Variants in PITPNM3 observed in about 807,000 individuals in gnomAD.
The protein encoded by PITPNM3 is PITPNM family member 3, also known as membrane-associated phosphatidylinositol transfer protein 3.
A neutral mutation model predicts 102.0 loss-of-function variants in PITPNM3; 26 were observed. The observed-to-expected ratio is 0.25, with a 90% CI of 0.19 to 0.35. The LOEUF (loss-of-function observed/expected upper bound fraction) is 0.35. Ranked by LOEUF, PITPNM3 falls within the 10% of genes least tolerant of loss-of-function variation. The pLI, the probability that PITPNM3 is intolerant of heterozygous loss-of-function variation, is 1.00. For synonymous variants in PITPNM3, 578 were observed against 558.6 expected (o/e 1.03, Z -0.49); for missense variants, 1,083 against 1,346.1 (o/e 0.80, Z 3.06).
chr17:6,467,438 C>T (rs938961798), intron 14 of PITPNM3, among the ~76,000 whole-genome samples: 1 of 152,182 alleles, frequency 6.6e-6, no homozygotes, highest in African/African-American at 2.4e-5. Context: ...AATGGTTGCA[C>T]ACATCTGTGA....
rs560849297 is a variant in PITPNM3, at chr17:6,455,608, C to G, written c.2655G>C (p.Ala885=). 1.9e-6 allele frequency: 3 copies of G among 1,576,190 alleles called. No homozygotes were observed. The highest frequency in any genetic ancestry group is 2.3e-5 in the East Asian group (1 of 43,718). The change falls in exon 20 of 20, where the codon GCG becomes GCC. Residue 885 remains alanine (A), a synonymous_variant. Transcript: ENST00000262483. ...LSEGYAAHLA[A]LEASHRSRPK... ...GGCGTGAGCGGTGGCTGGCCTCCAG[C>G]GCGGCCAGGTGTGCGGCGTAGCCCT...
Position 6,461,415 on chromosome 17 carries a change from C to A in PITPNM3, c.2448G>T (p.Pro816=). 6.2e-7 allele frequency: 1 copy of A among 1,614,136 alleles called. No individual in the cohort carries two copies. ...GCAGGAAGATGGCCTTCTGCCGCAG[C>A]GGGTCATGCACCAGCCCATCGGAGA... ...IFFSDGLVHD[P]LRQKAIFLRN... The change falls in exon 18 of 20, where the codon CCG becomes CCT. Residue 816 remains proline (P), a synonymous_variant. Transcript: ENST00000262483.
At chr17:6,527,479 A>G (rs939052144) in intron 2 of PITPNM3, among the ~76,000 whole-genome samples, 2 of 152,180 alleles carry the variant, frequency 1.3e-5, no homozygotes, top group Non-Finnish European at 2.9e-5. Flanking sequence ...TGGTATCATC[A>G]TCACCAGCAC....
At chr17:6,476,362 T>C (rs577145074) in intron 9 of PITPNM3, among the ~76,000 whole-genome samples, 3 of 152,294 alleles carry the variant, frequency 2.0e-5, no homozygotes, top group African/African-American at 7.2e-5. Flanking sequence ...GAAAGAGACA[T>C]TCCTTCCAAT....
At chr17:6,494,416 A>G (rs1906678230) in intron 4 of PITPNM3, among the ~76,000 whole-genome samples, 1 of 152,198 alleles carries the variant, frequency 6.6e-6, no homozygotes, top group Admixed American at 6.5e-5. Context: ...TCCCCTGTCA[A>G]GTCCACCCTG....
intron 1 of PITPNM3, among the ~76,000 whole-genome samples, chr17:6,552,004 G>T (rs1241338399): frequency 6.6e-6 from 1 of 152,142 alleles, no homozygotes; most frequent in East Asian, 1.9e-4. Flanking sequence ...CCTCTCACGG[G>T]CCCTCAGCGA....
chr17:6,490,790 C>T (rs1906412007), intron 4 of PITPNM3, among the ~76,000 whole-genome samples: 1 of 150,878 alleles, frequency 6.6e-6, no homozygotes. Flanking sequence ...ACCCTGTCTA[C>T]TAAAAATACA....
intron 4 of PITPNM3, among the ~76,000 whole-genome samples, chr17:6,502,371 T>C (rs969417312): frequency 1.3e-5 from 2 of 152,140 alleles, no homozygotes; most frequent in Non-Finnish European, 2.9e-5. Flanking sequence ...GAGAATGATT[T>C]GAGCCCGGGA....
intron 6 of PITPNM3, chr17:6,480,479 G>A (rs1905596204): frequency 6.6e-6 from 1 of 152,308 alleles, no homozygotes; most frequent in African/African-American, 2.4e-5. Context: ...CCATTCTCCT[G>A]GGGAATTCGG....
At chr17:6,495,277 G>C (rs1597383516) in intron 4 of PITPNM3, among the ~76,000 whole-genome samples, 1 of 151,988 alleles carries the variant, frequency 6.6e-6, no homozygotes, top group African/African-American at 2.4e-5. Context: ...CATGTAGCAG[G>C]GTGGTTTTTT....
chr17:6,542,104 C>T (rs1166941692), intron 1 of PITPNM3, among the ~76,000 whole-genome samples: 6 of 152,228 alleles, frequency 3.9e-5, no homozygotes, highest in Non-Finnish European at 5.9e-5. Flanking sequence ...AGCAACCCTT[C>T]TACCTGTTTC....
chr17:6,473,872 G>T (rs1485275946), intron 10 of PITPNM3, among the ~76,000 whole-genome samples: 2 of 151,824 alleles, frequency 1.3e-5, no homozygotes, highest in African/African-American at 4.8e-5. Context: ...AGCTACTCGG[G>T]AGGCTGAGGC....
At chr17:6,489,545 G>C (rs1244915837) in intron 4 of PITPNM3, among the ~76,000 whole-genome samples, 1 of 150,630 alleles carries the variant, frequency 6.6e-6, no homozygotes. Context: ...TGAAGGAGGG[G>C]AGTAAGAAAG....
chr17:6,525,955 A>C (rs974289174), intron 2 of PITPNM3, among the ~76,000 whole-genome samples: 5 of 152,246 alleles, frequency 3.3e-5, no homozygotes, highest in Non-Finnish European at 5.9e-5. Context: ...GAGAGCAATC[A>C]TGATGATGTC....
chr17:6,455,318 C>A lies in PITPNM3; in HGVS notation c.*20G>T, dbSNP rs758529105. On this transcript the variant is annotated 3_prime_UTR_variant, in exon 20 of 20. Transcript: ENST00000262483. ...GCCTGATTGGGCCCCCCGCTCCCTGCTCTGAGCACAGCCCACCCCTCAGGG... is the reference window on the plus strand; with the variant it reads ...GCCTGATTGGGCCCCCCGCTCCCTGATCTGAGCACAGCCCACCCCTCAGGG... The A allele has an allele frequency of 6.4e-7, 1 of 1,559,676 alleles. No individual in the cohort carries two copies. The highest frequency in any genetic ancestry group is 1.2e-5 in the South Asian group (1 of 82,654).
At chr17:6,486,448 G>A (rs566562508) in intron 4 of PITPNM3, among the ~76,000 whole-genome samples, 22 of 152,248 alleles carry the variant, frequency 1.4e-4, no homozygotes, top group Admixed American at 4.6e-4. Context: ...CCCAGGGGAG[G>A]GTACCTCTAC....
rs1913861789 is a variant in PITPNM3, at chr17:6,451,890, G to GT, written c.*3447_*3448insA. ...GCACCCAAACCCCCCCCCCCCGCCC[G>GT]CCGATGGGATTCGGTGGGAAAGTTG... On this transcript the variant is annotated 3_prime_UTR_variant, in exon 20 of 20. Coordinates refer to ENST00000262483, the MANE Select transcript of PITPNM3 (RefSeq NM_031220.4). The GT allele has an allele frequency of 3.3e-5, 1 of 30,138 alleles. No homozygotes were observed. The highest frequency in any genetic ancestry group is 6.8e-5 in the Non-Finnish European group (1 of 14,790). 1.9% of individuals were successfully genotyped at this position (30,138 alleles called of 1,614,324 possible).
chr17:6,464,667 C>A lies in PITPNM3; in HGVS notation c.1995G>T (p.Leu665=). The stretch of plus-strand genomic sequence containing the variant: ...CAGCCCCAGGTACCTTCTCTCCAGT[C>A]AGAGCCACCATGTCGAGGGGCCCGT... ...FMYGPLDMVA[L]TGEKVDILVM... Residue 665 remains leucine (L), a synonymous_variant, in exon 15 of 20, where the codon CTG becomes CTT. Coordinates refer to ENST00000262483, the MANE Select transcript of PITPNM3 (RefSeq NM_031220.4). The A allele has an allele frequency of 6.2e-7, 1 of 1,614,034 alleles. No individual in the cohort carries two copies. Among genetic ancestry groups the A allele is most frequent in the South Asian group, 1.1e-5 (1 of 91,060 alleles).
chr17:6,459,652 C>T lies in PITPNM3; in HGVS notation c.2490+1721G>A, dbSNP rs1904356910. On this transcript the variant is annotated intron_variant, in intron 18 of 19. Coordinates refer to ENST00000262483, the MANE Select transcript of PITPNM3 (RefSeq NM_031220.4). The surrounding 1 kb of genome is among the most constrained non-coding windows in gnomAD (Gnocchi z 5.0). The stretch of plus-strand genomic sequence containing the variant: ...CTCACTCATTCATTTATTCATTCTA[C>T]CAACATTTATGGAGTCCCTACCATG... Among the ~76,000 whole-genome samples the T allele has an allele frequency of 6.6e-6, 1 of 152,160 alleles. No homozygotes were observed. The highest frequency in any genetic ancestry group is 6.5e-5 in the Admixed American group (1 of 15,280).
Sources: allele counts gnomAD v4.1 joint callset (sites outside exome capture counted in the v4.1 genomes callset), GRCh38; gene constraint gnomAD v4.1.1; non-coding constraint Gnocchi (gnomAD v3.1); transcripts MANE v1.5; gene names NCBI Gene and HGNC (gene_info 2026-07-23, HGNC 2026-07-21).